The following MCPH1 variants were observed in gnomAD, a reference collection of about 807,000 sequenced individuals.
MCPH1 encodes microcephalin.
Under a neutral mutation model 84.5 loss-of-function variants are expected in MCPH1, and 104 were observed. The observed-to-expected ratio is 1.23, with a 90% CI of 1.05 to 1.45. MCPH1 has a LOEUF of 1.45. MCPH1 is among the 40% of genes most tolerant of loss of function. The probability of loss-of-function intolerance (pLI) is 0.00; values close to 1 mark genes in which losing one functional copy is unlikely to be tolerated. For synonymous variants in MCPH1, 514 were observed against 366.8 expected (o/e 1.40, Z -4.58); for missense variants, 1,498 against 1,005.7 (o/e 1.49, Z -6.62).
chr8:6,577,697 A>T (rs931252653), intron 12 of MCPH1, among the ~76,000 whole-genome samples: 2 of 152,260 alleles, frequency 1.3e-5, no homozygotes, highest in African/African-American at 4.8e-5. Context: ...GTAGATGGCT[A>T]AGCACTACAC....
At chr8:6,559,749 G>A (rs767587240) in intron 12 of MCPH1, among the ~76,000 whole-genome samples, 3 of 152,196 alleles carry the variant, frequency 2.0e-5, no homozygotes, top group Non-Finnish European at 2.9e-5. Flanking sequence ...TTTATAAAGT[G>A]TGTTTAATAT....
At chr8:6,540,734 A>G (rs1821400567) in intron 12 of MCPH1, among the ~76,000 whole-genome samples, 1 of 152,272 alleles carries the variant, frequency 6.6e-6, no homozygotes, top group African/African-American at 2.4e-5. Context: ...TTTCCCCAAA[A>G]GCAGAGCCTG....
At chr8:6,632,516 A>G (rs1179969903) in intron 13 of MCPH1, among the ~76,000 whole-genome samples, 2 of 152,182 alleles carry the variant, frequency 1.3e-5, no homozygotes, top group African/African-American at 4.8e-5. Flanking sequence ...AAACAAGTAC[A>G]TAAAAATCTG....
At chr8:6,575,433 C>A (rs1161707894) in intron 12 of MCPH1, among the ~76,000 whole-genome samples, 1 of 152,038 alleles carries the variant, frequency 6.6e-6, no homozygotes, top group Non-Finnish European at 1.5e-5. Context: ...GATTATGGCT[C>A]TAGAAGAGAT....
chr8:6,470,818 G>T (rs555194944), intron 9 of MCPH1, among the ~76,000 whole-genome samples: 2 of 152,248 alleles, frequency 1.3e-5, no homozygotes, highest in African/African-American at 4.8e-5. Context: ...AATGTAAAGA[G>T]GGTTGTTAAA....
chr8:6,533,762 C>A (rs1421868596), intron 12 of MCPH1, among the ~76,000 whole-genome samples: 1 of 152,008 alleles, frequency 6.6e-6, no homozygotes, highest in Non-Finnish European at 1.5e-5. Context: ...CCTTTAAAAA[C>A]TTAGAATTCT....
At chr8:6,499,697 A>G in intron 11 of MCPH1, 155 bp from the exon 12 acceptor site, 2 of 659,588 alleles carry the variant, frequency 3.0e-6, no homozygotes, top group Non-Finnish European at 5.5e-6. Flanking sequence ...TTTATGCAAC[A>G]TGAAGATTCT....
intron 4 of MCPH1, among the ~76,000 whole-genome samples, chr8:6,435,580 C>T (rs940284028): frequency 4.6e-5 from 7 of 152,072 alleles, no homozygotes; most frequent in Non-Finnish European, 7.4e-5. Context: ...AATTTGGCCC[C>T]CGTTCCTTGG....
intron 13 of MCPH1, among the ~76,000 whole-genome samples, chr8:6,629,430 C>T (rs1276661646): frequency 6.6e-6 from 1 of 152,144 alleles, no homozygotes; most frequent in Non-Finnish European, 1.5e-5. Context: ...CCACTGCACT[C>T]CAACCTGTGC....
chr8:6,514,438 C>A (rs1035004423), intron 12 of MCPH1, among the ~76,000 whole-genome samples: 4 of 152,162 alleles, frequency 2.6e-5, no homozygotes, highest in Non-Finnish European at 5.9e-5. Context: ...ATCCATCTGC[C>A]TCGGCCTCCC....
At chr8:6,445,584 A>G in intron 8 of MCPH1, 37 bp downstream of exon 8, 4 of 1,546,260 alleles carry the variant, frequency 2.6e-6, no homozygotes, top group South Asian at 1.3e-5. Context: ...CCTTCGCTAA[A>G]TAAACATGTA....
chr8:6,616,579 C>G (rs1830813734), intron 12 of MCPH1: 1 of 152,262 alleles, frequency 6.6e-6, no homozygotes, highest in South Asian at 2.1e-4. Flanking sequence ...GACGGACTTT[C>G]CTAGCAGTCC....
intron 13 of MCPH1, among the ~76,000 whole-genome samples, chr8:6,623,080 G>T (rs941670680): frequency 7.3e-6 from 1 of 137,652 alleles, no homozygotes; most frequent in Non-Finnish European, 1.5e-5. Context: ...CTCAAACTCC[G>T]GGGCTCAAGC....
At chr8:6,519,183 C>G (rs116958228) in intron 12 of MCPH1, among the ~76,000 whole-genome samples, 1 of 152,188 alleles carries the variant, frequency 6.6e-6, no homozygotes. Flanking sequence ...TCGCCTTCCC[C>G]AGCGGTTCTC....
At chr8:6,622,948 C>T (rs1430517832) in intron 13 of MCPH1, among the ~76,000 whole-genome samples, 1 of 151,912 alleles carries the variant, frequency 6.6e-6, no homozygotes, top group African/African-American at 2.4e-5. Flanking sequence ...TGAAGTGATT[C>T]TCCTGCCTCA....
At chr8:6,580,240 C>T (rs1827447285) in intron 12 of MCPH1, among the ~76,000 whole-genome samples, 2 of 152,222 alleles carry the variant, frequency 1.3e-5, no homozygotes, top group South Asian at 2.1e-4. Context: ...CCCCTGTACT[C>T]ACGAAGCCTC....
At chr8:6,608,855 C>A (rs1338475057) in intron 12 of MCPH1, among the ~76,000 whole-genome samples, 1 of 152,176 alleles carries the variant, frequency 6.6e-6, no homozygotes, top group Non-Finnish European at 1.5e-5. Flanking sequence ...ATCACTAATG[C>A]CTAGGCCTCA....
intron 13 of MCPH1, among the ~76,000 whole-genome samples, chr8:6,632,414 A>C (rs755209135): frequency 3.3e-5 from 5 of 152,204 alleles, no homozygotes; most frequent in Non-Finnish European, 5.9e-5. Context: ...AAACATTATA[A>C]AGTTTTACAG....
At position 6,409,361 on chromosome 8, in the gene MCPH1, G is replaced by A; in HGVS notation, c.105G>A (p.Met35Ile). Residue 35 changes from methionine to isoleucine, a missense_variant, in exon 2 of 14, where the codon ATG becomes ATA. Met to Ile is a conservative substitution (Grantham distance 10). Transcript: ENST00000344683. ...SKTFTTQLVD[M>I]GAKVSKTFNK... ...CATTTACAACACAGCTTGTGGATAT[G>A]GGGGCAAAGGTAAGACACTTATTTT... The A allele has an allele frequency of 6.2e-7, 1 of 1,612,284 alleles. No homozygotes were observed. Among genetic ancestry groups the A allele is most frequent in the East Asian group, 2.2e-5 (1 of 44,862 alleles).
Sources: allele counts gnomAD v4.1 joint callset (sites outside exome capture counted in the v4.1 genomes callset), GRCh38; gene constraint gnomAD v4.1.1; transcripts MANE v1.5; gene names NCBI Gene and HGNC (gene_info 2026-07-23, HGNC 2026-07-21).